The following FDXACB1 variants were observed in gnomAD, a reference collection of about 807,000 sequenced individuals.
The protein encoded by FDXACB1 is ferredoxin-fold anticodon binding domain containing 1.
In FDXACB1, 41 loss-of-function variants were observed where a neutral mutation model predicts 51.7. That is an observed-to-expected ratio of 0.79 (90% CI 0.62 to 1.03). The LOEUF (loss-of-function observed/expected upper bound fraction) is 1.03, where lower values mean the gene tolerates loss of function less well. Among genes scored for constraint, FDXACB1 ranks in the 50% least tolerant of loss-of-function variants. FDXACB1 has a pLI of 0.00. For synonymous variants in FDXACB1, 273 were observed against 278.6 expected (o/e 0.98, Z 0.20); for missense variants, 697 against 746.4 (o/e 0.93, Z 0.77).
chr11:111,876,707 T>A, intron 3 of FDXACB1, 68 bp from the exon 4 acceptor site: 2 of 1,584,886 alleles, frequency 1.3e-6, no homozygotes, highest in South Asian at 2.3e-5. Flanking sequence ...AGAGACCGAA[T>A]CAATTAATTG....
intron 2 of FDXACB1, 93 bp from the exon 3 acceptor site, chr11:111,877,104 T>C (rs1964832859): frequency 1.6e-6 from 2 of 1,289,754 alleles, no homozygotes; most frequent in East Asian, 5.1e-5. Flanking sequence ...GCCTGTGAAA[T>C]AATTAAAATC....
At position 111,874,291 on chromosome 11, in the gene FDXACB1, CTT is replaced by C. The variant is rs1964759900; in HGVS notation, c.*629_*630del. On this transcript the variant is annotated 3_prime_UTR_variant, in exon 5 of 5. Transcript: ENST00000260257. ...AAACATATTTATATTTGATGAGACA[CTT>C]AAGTTCTACTGCCTGTTCAACAATA... 6.6e-6 allele frequency: 1 copy of C among 152,180 alleles called. No homozygotes were observed. Among genetic ancestry groups the C allele is most frequent in the African/African-American group, 2.4e-5 (1 of 41,428 alleles). 9.4% of individuals were successfully genotyped at this position (152,180 alleles called of 1,614,324 possible).
rs781982130 is a variant in FDXACB1 at position 111,879,108 on chromosome 11, C to T, written c.25G>A (p.Val9Ile). 3 of 1,612,742 alleles carry T rather than the reference C, an allele frequency of 1.9e-6. No homozygotes were observed. Among genetic ancestry groups the T allele is most frequent in the Non-Finnish European group, 2.5e-6 (3 of 1,179,204 alleles). The stretch of plus-strand genomic sequence containing the variant: ...GCGAAGGAGAAATTCCCCTCCCCAA[C>T]CAACAGGAGGCGCCGAGGGGCCATG... MAPRRLLL[V>I]GEGNFSFAAA... Residue 9 changes from valine to isoleucine, a missense_variant, in exon 1 of 5, where the codon GTT (valine) becomes ATT (isoleucine). By Grantham distance (29) the Val-to-Ile change is conservative. Transcript: ENST00000260257.
rs148283666 is a variant in FDXACB1 at position 111,875,445 on chromosome 11, C to T, written c.1352G>A (p.Arg451His). The change falls in exon 5 of 5, where the codon CGT becomes CAT. Residue 451 changes from arginine (R) to histidine (H), a missense_variant. Coordinates refer to ENST00000260257, the MANE Select transcript of FDXACB1 (RefSeq NM_138378.3). ...LQSNGKDYMI[R>H]VKTHNFSPDC... ...TGGGCTAAAATTATGAGTCTTCACA[C>T]GAATCATATAATCCTTTCCATTTGA... is the stretch of plus-strand genomic sequence containing the variant. The T allele has an allele frequency of 5.9e-4, 959 of 1,613,050 alleles. 7 individuals carry two copies. In the African/African-American group the frequency reaches 0.011, roughly 18 times the overall value.
Position 111,878,538 on chromosome 11 carries a change from G to A in FDXACB1, c.329+18C>T, listed in dbSNP as rs1555162532. The A allele has an allele frequency of 6.4e-7, 1 of 1,566,628 alleles. No individual in the cohort carries two copies. On this transcript the variant is annotated intron_variant, in intron 2 of 4. Coordinates refer to ENST00000260257, the MANE Select transcript of FDXACB1 (RefSeq NM_138378.3). ...GACATCTTAAACATTTTCCTTGTGA[G>A]GGCGCTCCTTTCCTCACCTTTGGAA...
Position 111,875,593 on chromosome 11 carries a change from T to A in FDXACB1, c.1204A>T (p.Asn402Tyr). ...ETLFILGVNQ[N>Y]LKDGCLQSLL... ...GATTGAAGACAGCCATCCTTCAGAT[T>A]TTGATTAACCCCAAGGATAAATAAA... The change falls in exon 5 of 5, where the codon AAT becomes TAT. Residue 402 changes from asparagine to tyrosine, a missense_variant. Asn to Tyr is a moderately radical substitution (Grantham distance 143, BLOSUM62 -2). Transcript: ENST00000260257. 1 of 1,612,386 alleles carries A rather than the reference T, an allele frequency of 6.2e-7. No homozygotes were observed. Among genetic ancestry groups the A allele is most frequent in the Non-Finnish European group, 8.5e-7 (1 of 1,179,670 alleles).
At position 111,877,577 on chromosome 11, in the gene FDXACB1, C is replaced by T. The variant is rs946423763; in HGVS notation, c.330-566G>A. 4.2e-5 allele frequency among the ~76,000 whole-genome samples: 6 copies of T among 143,536 alleles called. No individual in the cohort carries two copies. In the South Asian group the frequency reaches 1.1e-3, roughly 26 times the overall value. The allele number at this position is 143,536 out of a possible 152,430, so 94.2% of individuals were successfully genotyped here. On this transcript the variant is annotated intron_variant, in intron 2 of 4. Coordinates refer to ENST00000260257, the MANE Select transcript of FDXACB1 (RefSeq NM_138378.3). ...TGTCGCCCAGGCTGGAGTGCAGTGG[C>T]ACGATCTCAGCTCACTGCAACCTCC...
intron 4 of FDXACB1, 86 bp from the exon 5 acceptor site, chr11:111,876,190 G>A: frequency 1.2e-5 from 13 of 1,123,626 alleles, no homozygotes; most frequent in South Asian, 8.4e-5. Context: ...ACAAATAGCT[G>A]GACAGAAAAG....
In FDXACB1 at chr11:111,878,672, T is replaced by G. The variant is rs1566372040; in HGVS notation, c.213A>C (p.Ala71=). The G allele has an allele frequency of 6.2e-7, 1 of 1,611,904 alleles. No homozygotes were observed. Among genetic ancestry groups the G allele is most frequent in the Non-Finnish European group, 8.5e-7 (1 of 1,179,064 alleles). Reference sequence around the variant, plus strand: ...CTCTCTCGTGCAGTTCAAAGACATCTGCCAGCTGGGTGCAGTCCACACCGA... The same window carrying G: ...CTCTCTCGTGCAGTTCAAAGACATCGGCCAGCTGGGTGCAGTCCACACCGA... ...VRFGVDCTQL[A]DVFELHEREF... The change falls in exon 2 of 5, where the codon GCA becomes GCC. Residue 71 remains alanine, a synonymous_variant. Transcript: ENST00000260257.
At position 111,874,842 on chromosome 11, in the gene FDXACB1, G is replaced by T; in HGVS notation, c.*80C>A. The stretch of plus-strand genomic sequence containing the variant: ...TTTTACAAAAACAAAAATCCAGAAA[G>T]GACTACTGGTTGCAAGTTGGTAATT... On this transcript the variant is annotated 3_prime_UTR_variant, in exon 5 of 5. Coordinates refer to ENST00000260257, the MANE Select transcript of FDXACB1 (RefSeq NM_138378.3). 8.1e-7 allele frequency: 1 copy of T among 1,230,270 alleles called. No individual in the cohort carries two copies. Among genetic ancestry groups the T allele is most frequent in the East Asian group, 2.5e-5 (1 of 40,748 alleles). 76.2% of individuals were successfully genotyped at this position (1,230,270 alleles called of 1,614,324 possible).
In FDXACB1 at chr11:111,879,139, C is replaced by T. The variant is rs1555162719; in HGVS notation, c.-7G>A. The T allele has an allele frequency of 1.2e-6, 2 of 1,603,610 alleles. No individual in the cohort carries two copies. Among genetic ancestry groups the T allele is most frequent in the South Asian group, 1.1e-5 (1 of 90,620 alleles). ...GGAGGCGCCGAGGGGCCATGGCCTC[C>T]ACGGACTCCCGGCTCGCGTTCTCTG... is the stretch of plus-strand genomic sequence containing the variant. On this transcript the variant is annotated 5_prime_UTR_variant, in exon 1 of 5. Transcript: ENST00000260257.
At chr11:111,878,855 G>A in intron 1 of FDXACB1, 106 bp downstream of exon 1, 6 of 1,518,680 alleles carry the variant, frequency 4.0e-6, no homozygotes, top group Non-Finnish European at 2.7e-6. Flanking sequence ...TCCGTGGGAC[G>A]ATCAAGAACA....
At chr11:111,877,512 C>CTTTTTT (rs35506169) in intron 2 of FDXACB1, among the ~76,000 whole-genome samples, 5 of 106,912 alleles carry the variant, frequency 4.7e-5, no homozygotes, top group Admixed American at 2.1e-4. Flanking sequence ...CTGTTAGTTA[C>CTTTTTT]TTTTTTTTTT....
rs1964893974 is a variant in FDXACB1, at chr11:111,879,133, G to A, written c.-1C>T. 1 of 1,607,054 alleles carries A rather than the reference G, an allele frequency of 6.2e-7. No individual in the cohort carries two copies. Among genetic ancestry groups the A allele is most frequent in the Non-Finnish European group, 8.5e-7 (1 of 1,176,876 alleles). ...CCAACAGGAGGCGCCGAGGGGCCAT[G>A]GCCTCCACGGACTCCCGGCTCGCGT... On this transcript the variant is annotated 5_prime_UTR_variant, in exon 1 of 5. Coordinates refer to ENST00000260257, the MANE Select transcript of FDXACB1 (RefSeq NM_138378.3).
At chr11:111,878,828 C>T in intron 1 of FDXACB1, 116 bp from the exon 2 acceptor site, 43 of 1,505,914 alleles carry the variant, frequency 2.9e-5, no homozygotes, top group Non-Finnish European at 3.7e-5. Flanking sequence ...GGGCACAAAG[C>T]CGGCTTTATG....
intron 1 of FDXACB1, 96 bp from the exon 2 acceptor site, chr11:111,878,808 G>A: frequency 6.6e-7 from 1 of 1,510,554 alleles, no homozygotes; most frequent in Non-Finnish European, 8.9e-7. Flanking sequence ...GTGCAGACCA[G>A]CCCAAGTCTG....
chr11:111,876,882 C>T lies in FDXACB1; in HGVS notation c.459G>A (p.Leu153=), dbSNP rs782502313. ...NSWQVVAMAA[L]GGLILSDVYP... The stretch of plus-strand genomic sequence containing the variant: ...ACACGTCGCTTAAAATGAGCCCCCC[C>T]AGGGCTGCCATGGCAACCACTTGCC... The change falls in exon 3 of 5, where the codon CTG becomes CTA. Residue 153 remains leucine (L), a synonymous_variant. Transcript: ENST00000260257. 6.2e-7 allele frequency: 1 copy of T among 1,613,692 alleles called. No homozygotes were observed.
chr11:111,875,139 A>G lies in FDXACB1; in HGVS notation c.1658T>C (p.Leu553Pro). 1 of 1,613,868 alleles carries G rather than the reference A, an allele frequency of 6.2e-7. No homozygotes were observed. Among genetic ancestry groups the G allele is most frequent in the Non-Finnish European group, 8.5e-7 (1 of 1,179,892 alleles). Residue 553 changes from leucine (L) to proline (P), a missense_variant, in exon 5 of 5, where the codon CTA (leucine) becomes CCA (proline). Around this residue, in one of 3 missense-constraint regions of FDXACB1, gnomAD observed 538 missense variants for 592.2 expected, o/e 0.91. Coordinates refer to ENST00000260257, the MANE Select transcript of FDXACB1 (RefSeq NM_138378.3). ...TGCTCGGGCCACAGTGTGAAACTCT[A>G]GTTCATCAAATCCTTTCTTCTGATC... ...WIDQKKGFDE[L>P]EFHTVARAVS...
chr11:111,879,138 C>A lies in FDXACB1; in HGVS notation c.-6G>T. 1 of 1,603,478 alleles carries A rather than the reference C, an allele frequency of 6.2e-7. No homozygotes were observed. On this transcript the variant is annotated 5_prime_UTR_variant, in exon 1 of 5. Transcript: ENST00000260257. ...AGGAGGCGCCGAGGGGCCATGGCCT[C>A]CACGGACTCCCGGCTCGCGTTCTCT...
Sources: gnomAD v4.1 joint callset for allele counts (sites outside exome capture counted in the v4.1 genomes callset) on GRCh38, gnomAD v4.1.1 for gene constraint, gnomAD v4.1.1 regional missense constraint, MANE v1.5 for transcripts, NCBI Gene and HGNC (gene_info 2026-07-23, HGNC 2026-07-21) for gene names.